Variants in SLIT3 observed in about 807,000 individuals in gnomAD.
SLIT3 encodes the protein slit guidance ligand 3, also known as slit homolog 3 protein.
A neutral mutation model predicts 184.0 loss-of-function variants in SLIT3; 68 were observed. That is an observed-to-expected ratio of 0.37 (90% CI 0.30 to 0.45). The LOEUF is 0.45. Ranked by LOEUF, SLIT3 falls within the 20% of genes least tolerant of loss-of-function variation. The pLI is 1.00. For synonymous variants in SLIT3, 831 were observed against 828.6 expected (o/e 1.00, Z -0.05); for missense variants, 1,707 against 2,026.0 (o/e 0.84, Z 3.02).
intron 16 of SLIT3, among the ~76,000 whole-genome samples, chr5:168,757,525 C>T (rs376232631): frequency 1.4e-4 from 22 of 151,826 alleles, no homozygotes; most frequent in African/African-American, 5.1e-4. Flanking sequence ...GCTCCGCCTC[C>T]CAGGTTCACG....
intron 9 of SLIT3, among the ~76,000 whole-genome samples, chr5:168,803,166 A>T (rs10063662): frequency 0.26 from 40,044 of 152,194 alleles, 5,725 homozygotes; most frequent in East Asian, 0.41. Context: ...ATAAAGTATA[A>T]TTATACAATA....
chr5:169,173,399 C>G (rs918019556), intron 4 of SLIT3, among the ~76,000 whole-genome samples: 1 of 152,096 alleles, frequency 6.6e-6, no homozygotes, highest in African/African-American at 2.4e-5. Flanking sequence ...GAAAGGAGTA[C>G]GTAAGGAGTG....
chr5:168,828,279 C>T (rs144173819), intron 6 of SLIT3, among the ~76,000 whole-genome samples: 338 of 152,190 alleles, frequency 2.2e-3, no homozygotes, highest in Middle Eastern at 0.01. Flanking sequence ...TCAAGAGAGA[C>T]GACAGGTGAA....
chr5:169,105,457 A>C (rs1760169126), intron 4 of SLIT3, among the ~76,000 whole-genome samples: 1 of 152,250 alleles, frequency 6.6e-6, no homozygotes. Context: ...AAATGCAGAC[A>C]CGCCATGATG....
At chr5:168,946,734 C>T (rs921827010) in intron 4 of SLIT3, among the ~76,000 whole-genome samples, 1 of 152,166 alleles carries the variant, frequency 6.6e-6, no homozygotes, top group Non-Finnish European at 1.5e-5. Flanking sequence ...ACACGCTCAC[C>T]CCCTAGCCCA....
intron 4 of SLIT3, among the ~76,000 whole-genome samples, chr5:169,082,016 T>C (rs1759083178): frequency 6.6e-6 from 1 of 152,214 alleles, no homozygotes; most frequent in Admixed American, 6.5e-5. Flanking sequence ...TTAGCGACAT[T>C]GTGCCTATTC....
At chr5:169,265,906 T>G (rs1002674588) in intron 1 of SLIT3, among the ~76,000 whole-genome samples, 1 of 152,176 alleles carries the variant, frequency 6.6e-6, no homozygotes, top group African/African-American at 2.4e-5. Context: ...CAAATCTCCT[T>G]CATCCACTTC....
chr5:168,766,133 C>T (rs909463730), intron 14 of SLIT3, among the ~76,000 whole-genome samples: 69 of 152,272 alleles, frequency 4.5e-4, no homozygotes, highest in Non-Finnish European at 2.2e-4. Flanking sequence ...CTGCCATCAA[C>T]GGTATGCATT....
At chr5:169,165,797 TTTACC>T (rs754790028) in intron 4 of SLIT3, among the ~76,000 whole-genome samples, 23 of 152,230 alleles carry the variant, frequency 1.5e-4, no homozygotes, top group Admixed American at 1.2e-3. Flanking sequence ...GCTTTATGTG[TTTACC>T]TTGTCTATCA....
At chr5:168,881,751 T>C (rs1191891643) in intron 5 of SLIT3, among the ~76,000 whole-genome samples, 2 of 152,198 alleles carry the variant, frequency 1.3e-5, no homozygotes, top group Non-Finnish European at 2.9e-5. Flanking sequence ...CTCTCATTAT[T>C]TATTTAGTGG....
At position 168,861,689 on chromosome 5, in the gene SLIT3, C is replaced by A. The variant is rs568595178; in HGVS notation, c.486-17034G>T. Among the ~76,000 whole-genome samples the A allele has an allele frequency of 2.0e-4, 31 of 152,232 alleles. No individual in the cohort carries two copies. In the South Asian group the frequency reaches 6.0e-3, roughly 30 times the overall value. ...TTTGCACATCCACAACCCAACTGTA[C>A]GGGTTGACAGCAGGTTCCCCAAGCT... On this transcript the variant is annotated intron_variant, in intron 5 of 35. Transcript: ENST00000519560.
chr5:169,219,430 G>A (rs932954051), intron 3 of SLIT3, among the ~76,000 whole-genome samples: 1 of 152,222 alleles, frequency 6.6e-6, no homozygotes, highest in East Asian at 1.9e-4. Context: ...CTGAAGTTAC[G>A]TGTCATACAA....
intron 4 of SLIT3, among the ~76,000 whole-genome samples, chr5:169,102,236 G>A (rs1760046327): frequency 6.6e-6 from 1 of 152,148 alleles, no homozygotes; most frequent in East Asian, 1.9e-4. Flanking sequence ...TGCCTGAAGG[G>A]GAGAGTTGAA....
At chr5:169,254,190 G>C (rs1343360281) in intron 1 of SLIT3, among the ~76,000 whole-genome samples, 1 of 152,214 alleles carries the variant, frequency 6.6e-6, no homozygotes, top group Non-Finnish European at 1.5e-5. Context: ...GCCATAGGAT[G>C]ATGAGAAACA....
chr5:169,182,641 G>A (rs559563205), intron 4 of SLIT3, among the ~76,000 whole-genome samples: 1 of 152,306 alleles, frequency 6.6e-6, no homozygotes, highest in Non-Finnish European at 1.5e-5. Context: ...TGCTGAATGT[G>A]GTTCAGGAAC....
chr5:168,954,953 C>T (rs1256926995), intron 4 of SLIT3, among the ~76,000 whole-genome samples: 2 of 152,180 alleles, frequency 1.3e-5, no homozygotes, highest in Admixed American at 1.3e-4. Context: ...ACGTCCAAAG[C>T]CTTCCAGGTT....
chr5:169,204,403 A>G (rs187206171), intron 3 of SLIT3, among the ~76,000 whole-genome samples: 362 of 152,278 alleles, frequency 2.4e-3, no homozygotes, highest in Non-Finnish European at 3.9e-3. Context: ...CGTCCAAAAT[A>G]AAGGAGGAGA....
chr5:169,244,075 A>G (rs1765495425), intron 3 of SLIT3, among the ~76,000 whole-genome samples: 1 of 152,252 alleles, frequency 6.6e-6, no homozygotes, highest in Admixed American at 6.5e-5. Flanking sequence ...GGCTCCAACC[A>G]TCTTCCATTC....
At chr5:169,208,755 C>A (rs1038450271) in intron 3 of SLIT3, among the ~76,000 whole-genome samples, 1 of 152,262 alleles carries the variant, frequency 6.6e-6, no homozygotes, top group Non-Finnish European at 1.5e-5. Context: ...AAACTGGACC[C>A]CTTCCTTATA....
Sources: gnomAD v4.1 joint callset for allele counts (sites outside exome capture counted in the v4.1 genomes callset) on GRCh38, gnomAD v4.1.1 for gene constraint, MANE v1.5 for transcripts, NCBI Gene and HGNC (gene_info 2026-07-23, HGNC 2026-07-21) for gene names.